Variants in RAB38 observed in about 807,000 individuals in gnomAD.
The protein encoded by RAB38 is RAB38, member RAS oncogene family.
In RAB38, 15 loss-of-function variants were observed where a neutral mutation model predicts 18.4. That is an observed-to-expected ratio of 0.82 (90% CI 0.55 to 1.26). RAB38 has a LOEUF of 1.26. RAB38 is among the 50% of genes most tolerant of loss of function. RAB38 has a pLI of 0.00. For synonymous variants in RAB38, 101 were observed against 104.4 expected (o/e 0.97, Z 0.20); for missense variants, 294 against 267.4 (o/e 1.10, Z -0.69).
the RAB38 span, among the ~76,000 whole-genome samples, chr11:88,081,708 T>C: frequency 6.6e-6 from 1 of 151,944 alleles, no homozygotes; most frequent in Non-Finnish European, 1.5e-5. Flanking sequence ...CAAGATGGTC[T>C]TGTTTCAAGA....
At chr11:87,963,635 G>A in the RAB38 span, among the ~76,000 whole-genome samples, 3 of 150,374 alleles carry the variant, frequency 2.0e-5, 1 homozygote, top group South Asian at 4.2e-4. Context: ...AAATATGGCT[G>A]TATATTTCTT....
chr11:88,005,372 A>T, the RAB38 span, among the ~76,000 whole-genome samples: 1 of 148,176 alleles, frequency 6.7e-6, no homozygotes, highest in East Asian at 2.0e-4. Flanking sequence ...GTGACAAGGC[A>T]ATTCAATGAA....
intron 2 of RAB38, among the ~76,000 whole-genome samples, chr11:88,125,219 A>G (rs1283205256): frequency 6.6e-6 from 1 of 152,228 alleles, no homozygotes; most frequent in Non-Finnish European, 1.5e-5. Flanking sequence ...CGTACTCAGA[A>G]TAAGTTCAGA....
At chr11:87,830,367 G>T in the RAB38 span, among the ~76,000 whole-genome samples, 1 of 152,000 alleles carries the variant, frequency 6.6e-6, no homozygotes, top group Non-Finnish European at 1.5e-5. Context: ...TGTGGTCCCA[G>T]CTACTTGGGA....
chr11:87,834,106 T>A, the RAB38 span, among the ~76,000 whole-genome samples: 1 of 152,072 alleles, frequency 6.6e-6, no homozygotes, highest in Admixed American at 6.6e-5. Flanking sequence ...AAGCATATGG[T>A]CCATTTGGAC....
the RAB38 span, among the ~76,000 whole-genome samples, chr11:87,976,618 G>A: frequency 0.17 from 18,944 of 109,802 alleles, 1,608 homozygotes; most frequent in South Asian, 0.28. Flanking sequence ...TATTTTACAT[G>A]ATATATAAAT....
chr11:87,857,091 C>T, the RAB38 span, among the ~76,000 whole-genome samples: 3 of 151,894 alleles, frequency 2.0e-5, no homozygotes, highest in African/African-American at 7.3e-5. Flanking sequence ...TCAATTCCCA[C>T]CTATGAGTGA....
chr11:87,966,762 C>G, the RAB38 span, among the ~76,000 whole-genome samples: 1 of 152,168 alleles, frequency 6.6e-6, no homozygotes, highest in Non-Finnish European at 1.5e-5. Flanking sequence ...TTCTTGGCAA[C>G]ATTAAGTACA....
the RAB38 span, among the ~76,000 whole-genome samples, chr11:87,845,615 G>A: frequency 2.0e-5 from 3 of 152,040 alleles, no homozygotes; most frequent in South Asian, 2.1e-4. Flanking sequence ...AGAGATTGCT[G>A]TAGGAAAAAA....
At chr11:87,822,782 A>G in the RAB38 span, among the ~76,000 whole-genome samples, 1 of 152,234 alleles carries the variant, frequency 6.6e-6, no homozygotes, top group Non-Finnish European at 1.5e-5. Flanking sequence ...GAAGTAAATC[A>G]GGAGGCAGAG....
the RAB38 span, among the ~76,000 whole-genome samples, chr11:87,855,500 G>T: frequency 7.0e-3 from 1,066 of 152,238 alleles, 12 homozygotes; most frequent in African/African-American, 0.024. Flanking sequence ...CATTATATTG[G>T]AAGTTTTATT....
At chr11:87,959,328 C>G in the RAB38 span, among the ~76,000 whole-genome samples, 6 of 152,194 alleles carry the variant, frequency 3.9e-5, no homozygotes, top group South Asian at 1.2e-3. Context: ...AGACTATTAC[C>G]TTATGTAATT....
the RAB38 span, among the ~76,000 whole-genome samples, chr11:87,918,204 C>T: frequency 1.3e-5 from 2 of 152,090 alleles, no homozygotes; most frequent in Non-Finnish European, 2.9e-5. Context: ...TTCATGTTGT[C>T]ACAATGACAG....
chr11:87,971,357 T>C, the RAB38 span, among the ~76,000 whole-genome samples: 2 of 152,084 alleles, frequency 1.3e-5, no homozygotes, highest in Non-Finnish European at 2.9e-5. Flanking sequence ...GATGGGTTTA[T>C]CTTGTTGAAA....
chr11:88,047,516 CCTCA>C, the RAB38 span, among the ~76,000 whole-genome samples: 1 of 152,200 alleles, frequency 6.6e-6, no homozygotes. Flanking sequence ...TAAGTCAAGC[CCTCA>C]CTCTTGCAAA....
chr11:87,937,881 T>G, the RAB38 span, among the ~76,000 whole-genome samples: 20 of 151,576 alleles, frequency 1.3e-4, 1 homozygote, highest in South Asian at 1.0e-3. Context: ...TTTTTTTTTT[T>G]TTTTTTTTTT....
chr11:88,173,868 G>T (rs1943343113), intron 1 of RAB38: 1 of 985,294 alleles, frequency 1.0e-6, no homozygotes, highest in African/African-American at 1.7e-5. Context: ...GGCAGTTCAT[G>T]ATTAAAGAGG....
chr11:87,976,553 T>C, the RAB38 span, among the ~76,000 whole-genome samples: 1 of 126,790 alleles, frequency 7.9e-6, no homozygotes, highest in Non-Finnish European at 1.6e-5. Flanking sequence ...ATTTTATATA[T>C]ACTTATATAA....
At chr11:87,816,547 G>C in the RAB38 span, 9 of 152,002 alleles carry the variant, frequency 5.9e-5, no homozygotes, top group Admixed American at 5.9e-4. Flanking sequence ...AATATGATCA[G>C]GTGGTAATAT....
Sources: allele counts gnomAD v4.1 joint callset (sites outside exome capture counted in the v4.1 genomes callset), GRCh38; gene constraint gnomAD v4.1.1; transcripts MANE v1.5; gene names NCBI Gene and HGNC (gene_info 2026-07-23, HGNC 2026-07-21).